The following CAPZB variants were observed in gnomAD, a reference collection of about 807,000 sequenced individuals.
The protein encoded by CAPZB is capping actin protein of muscle Z-line subunit beta.
A neutral mutation model predicts 38.1 loss-of-function variants in CAPZB; 2 were observed. The ratio of observed to expected loss-of-function variants is 0.05; its 90% CI spans 0.02 to 0.17. The LOEUF is 0.17. Among genes scored for constraint, CAPZB ranks in the 10% least tolerant of loss-of-function variants. The pLI is 1.00. For missense variants in CAPZB, 161 were observed against 334.2 expected (o/e 0.48, Z 4.04); for synonymous variants, 107 against 127.4 (o/e 0.84, Z 1.08).
chr1:19,430,825 T>G (rs528678881), intron 1 of CAPZB, among the ~76,000 whole-genome samples: 77 of 152,160 alleles, frequency 5.1e-4, no homozygotes, highest in African/African-American at 1.8e-3. Context: ...TTTTACAACA[T>G]ATACAATGGG....
At chr1:19,409,540 TCTC>T (rs2094348443) in intron 2 of CAPZB, among the ~76,000 whole-genome samples, 1 of 152,148 alleles carries the variant, frequency 6.6e-6, no homozygotes, top group South Asian at 2.1e-4. Flanking sequence ...TATTCCTACT[TCTC>T]CTATTGATGG....
At position 19,449,994 on chromosome 1, in the gene CAPZB, T is replaced by C. The variant is rs1019014028; in HGVS notation, c.4-30244A>G. 1.3e-5 allele frequency among the ~76,000 whole-genome samples: 2 copies of C among 151,020 alleles called. 1 individual carries two copies. The highest frequency in any genetic ancestry group is 4.9e-5 in the African/African-American group (2 of 41,104). On this transcript the variant is annotated intron_variant, in intron 1 of 8. Coordinates refer to ENST00000264202, the MANE Select transcript of CAPZB (RefSeq NM_004930.5). ...CTGTCTCTACAAATAATTAAAAAAT[T>C]AGCCAGGCATGATGTTGCGCACCCG...
At chr1:19,473,088 C>A (rs1199695988) in intron 1 of CAPZB, among the ~76,000 whole-genome samples, 3 of 151,924 alleles carry the variant, frequency 2.0e-5, no homozygotes, top group East Asian at 1.9e-4. Context: ...AAGAAATACT[C>A]CACTTTCAGC....
intron 3 of CAPZB, among the ~76,000 whole-genome samples, chr1:19,380,422 G>T (rs2094167912): frequency 6.6e-6 from 1 of 152,180 alleles, no homozygotes; most frequent in African/African-American, 2.4e-5. Context: ...GGTCACACTG[G>T]GCCATCGCAC....
At chr1:19,452,772 G>C (rs545226386) in intron 1 of CAPZB, among the ~76,000 whole-genome samples, 1 of 150,466 alleles carries the variant, frequency 6.6e-6, no homozygotes, top group Non-Finnish European at 1.5e-5. Context: ...CCCCACCTTC[G>C]GCAGTCAGAA....
chr1:19,416,313 T>C (rs952099026), intron 2 of CAPZB, among the ~76,000 whole-genome samples: 3 of 152,124 alleles, frequency 2.0e-5, no homozygotes, highest in Non-Finnish European at 4.4e-5. Context: ...CTCTGTTGCT[T>C]TCAGTGTGAC....
intron 1 of CAPZB, among the ~76,000 whole-genome samples, chr1:19,422,993 T>C (rs2094407532): frequency 6.6e-6 from 1 of 152,060 alleles, no homozygotes; most frequent in Non-Finnish European, 1.5e-5. Flanking sequence ...TTTTAACCCT[T>C]CTTCGGTGCC....
chr1:19,399,190 T>C (rs184589602), intron 2 of CAPZB, among the ~76,000 whole-genome samples: 173 of 152,184 alleles, frequency 1.1e-3, no homozygotes, highest in African/African-American at 4.0e-3. Context: ...CTAAAAACCA[T>C]TGGACCGTAC....
At chr1:19,440,332 C>T (rs2094471769) in intron 1 of CAPZB, among the ~76,000 whole-genome samples, 1 of 152,102 alleles carries the variant, frequency 6.6e-6, no homozygotes, top group Admixed American at 6.5e-5. Context: ...GCCATGCACC[C>T]GGCCCATAAA....
intron 1 of CAPZB, among the ~76,000 whole-genome samples, chr1:19,433,463 T>A (rs1369581243): frequency 6.6e-6 from 1 of 152,170 alleles, no homozygotes; most frequent in Non-Finnish European, 1.5e-5. Context: ...CCAAACAGAT[T>A]TATAAGATGG....
chr1:19,458,535 T>G (rs777312454), intron 1 of CAPZB, among the ~76,000 whole-genome samples: 7 of 152,216 alleles, frequency 4.6e-5, no homozygotes, highest in African/African-American at 1.7e-4. Context: ...TTTGTACTTT[T>G]AGTAGAGACG....
chr1:19,409,547 T>C (rs773009380), intron 2 of CAPZB, among the ~76,000 whole-genome samples: 25 of 152,322 alleles, frequency 1.6e-4, no homozygotes, highest in Admixed American at 5.9e-4. Flanking sequence ...ACTTCTCCTA[T>C]TGATGGAGGC....
intron 4 of CAPZB, among the ~76,000 whole-genome samples, chr1:19,361,468 T>C (rs939741350): frequency 3.3e-5 from 5 of 152,248 alleles, no homozygotes; most frequent in Non-Finnish European, 5.9e-5. Context: ...TGTTTCAGAA[T>C]TGCCCAGAAG....
intron 4 of CAPZB, among the ~76,000 whole-genome samples, chr1:19,363,362 G>T (rs41423949): frequency 0.19 from 28,706 of 150,882 alleles, 3,225 homozygotes; most frequent in South Asian, 0.3. Context: ...ATCTGGTTGG[G>T]TTTTTGTCTA....
At chr1:19,381,913 T>A (rs1281603950) in intron 3 of CAPZB, among the ~76,000 whole-genome samples, 5 of 152,018 alleles carry the variant, frequency 3.3e-5, no homozygotes, top group Non-Finnish European at 5.9e-5. Context: ...TCGCCATGAT[T>A]TATCTATAAA....
At chr1:19,476,844 AG>A (rs1367357620) in intron 1 of CAPZB, among the ~76,000 whole-genome samples, 1 of 152,248 alleles carries the variant, frequency 6.6e-6, no homozygotes, top group African/African-American at 2.4e-5. Flanking sequence ...CTAGACGTAC[AG>A]GGGAACCTCT....
chr1:19,342,724 AG>A, intron 8 of CAPZB: 1 of 1,395,870 alleles, frequency 7.2e-7, no homozygotes, highest in African/African-American at 1.4e-5. Context: ...TTTAGTGGGG[AG>A]GGTCTCGCGG....
At chr1:19,398,371 G>C (rs985711392) in intron 2 of CAPZB, among the ~76,000 whole-genome samples, 4 of 152,206 alleles carry the variant, frequency 2.6e-5, no homozygotes, top group Non-Finnish European at 5.9e-5. Context: ...CGGAGCCACT[G>C]AGTCAGAGGG....
intron 1 of CAPZB, among the ~76,000 whole-genome samples, chr1:19,436,534 G>A (rs2094458726): frequency 6.6e-6 from 1 of 152,186 alleles, no homozygotes; most frequent in African/African-American, 2.4e-5. Flanking sequence ...GTAAGAATGA[G>A]TCTTCTATCT....
Sources: gnomAD v4.1 joint callset for allele counts (sites outside exome capture counted in the v4.1 genomes callset) on GRCh38, gnomAD v4.1.1 for gene constraint, MANE v1.5 for transcripts, NCBI Gene and HGNC (gene_info 2026-07-23, HGNC 2026-07-21) for gene names.